ADAMTS3: variants seen among roughly 807,000 people sequenced by gnomAD.
The protein encoded by ADAMTS3 is A disintegrin and metalloproteinase with thrombospondin motifs 3.
A neutral mutation model predicts 129.0 loss-of-function variants in ADAMTS3; 73 were observed. That is an observed-to-expected ratio of 0.57 (90% CI 0.47 to 0.69). The LOEUF (loss-of-function observed/expected upper bound fraction) is 0.69, where lower values mean the gene tolerates loss of function less well. ADAMTS3 is among the 30% of genes least tolerant of loss of function. ADAMTS3 has a pLI of 0.00. For missense variants in ADAMTS3, 1,457 were observed against 1,514.5 expected, an observed-to-expected ratio of 0.96 and a Z score of 0.63; for synonymous variants, 477 against 510.8, an observed-to-expected ratio of 0.93 and a Z score of 0.89.
At chr4:72,382,705 A>T (rs1257472002) in intron 4 of ADAMTS3, among the ~76,000 whole-genome samples, 1 of 152,194 alleles carries the variant, frequency 6.6e-6, no homozygotes, top group Non-Finnish European at 1.5e-5. Context: ...AGCCATAAAA[A>T]TAATGAAATC....
At chr4:72,535,112 G>A (rs1407683874) in intron 3 of ADAMTS3, among the ~76,000 whole-genome samples, 1 of 152,118 alleles carries the variant, frequency 6.6e-6, no homozygotes, top group Admixed American at 6.5e-5. Context: ...TGTCCAGGCA[G>A]CCAGTTAATA....
chr4:72,455,824 A>C (rs1233878938), intron 3 of ADAMTS3, among the ~76,000 whole-genome samples: 1 of 130,900 alleles, frequency 7.6e-6, no homozygotes, highest in Non-Finnish European at 1.6e-5. Flanking sequence ...TTTTACATAT[A>C]GTATATACAG....
intron 3 of ADAMTS3, among the ~76,000 whole-genome samples, chr4:72,498,468 A>G (rs990710567): frequency 1.3e-5 from 2 of 152,120 alleles, no homozygotes; most frequent in East Asian, 3.8e-4. Context: ...AAGAAAAAGT[A>G]CATGAATGAG....
At chr4:72,352,009 A>C (rs546389882) in intron 4 of ADAMTS3, among the ~76,000 whole-genome samples, 6 of 152,098 alleles carry the variant, frequency 3.9e-5, no homozygotes, top group African/African-American at 1.4e-4. Context: ...CACTCAAAAA[A>C]AAATCATCTT....
chr4:72,284,138 A>C (rs954968610), intron 21 of ADAMTS3, among the ~76,000 whole-genome samples: 4 of 152,210 alleles, frequency 2.6e-5, no homozygotes, highest in Non-Finnish European at 4.4e-5. Context: ...AATCAAAATA[A>C]ATACTAAACA....
intron 4 of ADAMTS3, among the ~76,000 whole-genome samples, chr4:72,403,646 C>T (rs2109912094): frequency 6.6e-6 from 1 of 152,034 alleles, no homozygotes; most frequent in East Asian, 1.9e-4. Context: ...TTTTTTCTAA[C>T]ATTAATTTTA....
intron 8 of ADAMTS3, 81 bp from the exon 9 acceptor site, chr4:72,319,556 G>A: frequency 1.3e-6 from 2 of 1,486,918 alleles, no homozygotes; most frequent in Non-Finnish European, 1.8e-6. Context: ...TAAGCCCTGG[G>A]AAATAACGTA....
At chr4:72,401,493 G>A (rs555740265) in intron 4 of ADAMTS3, among the ~76,000 whole-genome samples, 6 of 150,490 alleles carry the variant, frequency 4.0e-5, no homozygotes, top group Admixed American at 2.0e-4. Flanking sequence ...CTTGAACTGG[G>A]GGGGTGGAGG....
At chr4:72,422,165 T>C (rs974199948) in intron 3 of ADAMTS3, among the ~76,000 whole-genome samples, 2 of 152,164 alleles carry the variant, frequency 1.3e-5, no homozygotes, top group African/African-American at 4.8e-5. Context: ...CACCAGAAAT[T>C]TATGACTTAG....
intron 2 of ADAMTS3, among the ~76,000 whole-genome samples, chr4:72,557,589 A>T (rs538361561): frequency 1.1e-4 from 17 of 151,798 alleles, no homozygotes; most frequent in Non-Finnish European, 2.5e-4. Context: ...ATTCATTATT[A>T]AGAAAGAATG....
chr4:72,521,875 G>A (rs1720684366), intron 3 of ADAMTS3, among the ~76,000 whole-genome samples: 1 of 152,108 alleles, frequency 6.6e-6, no homozygotes, highest in Non-Finnish European at 1.5e-5. Flanking sequence ...ATTTCAACAA[G>A]TTTCCAGGCC....
chr4:72,468,947 C>G (rs1284376250), intron 3 of ADAMTS3, among the ~76,000 whole-genome samples: 1 of 152,030 alleles, frequency 6.6e-6, no homozygotes, highest in Non-Finnish European at 1.5e-5. Flanking sequence ...GGCACAGCAT[C>G]TTTCTTACCA....
At chr4:72,563,677 T>C (rs1721957976) in intron 2 of ADAMTS3, among the ~76,000 whole-genome samples, 1 of 152,210 alleles carries the variant, frequency 6.6e-6, no homozygotes, top group Non-Finnish European at 1.5e-5. Flanking sequence ...GAATAATTAA[T>C]TGTATAGCCA....
At chr4:72,497,221 A>C (rs1418052200) in intron 3 of ADAMTS3, among the ~76,000 whole-genome samples, 1 of 152,120 alleles carries the variant, frequency 6.6e-6, no homozygotes, top group East Asian at 1.9e-4. Flanking sequence ...ACTTTATTCT[A>C]TCACTTAAGG....
At chr4:72,517,844 T>A (rs1720537293) in intron 3 of ADAMTS3, among the ~76,000 whole-genome samples, 3 of 151,744 alleles carry the variant, frequency 2.0e-5, no homozygotes, top group African/African-American at 7.3e-5. Flanking sequence ...CCTTCAGTTC[T>A]GCTCTGATCT....
intron 3 of ADAMTS3, among the ~76,000 whole-genome samples, chr4:72,475,937 T>A (rs1220687832): frequency 1.3e-5 from 2 of 151,888 alleles, no homozygotes; most frequent in Non-Finnish European, 2.9e-5. Context: ...TGAATAAAAA[T>A]ACAACATATC....
At chr4:72,561,044 T>G (rs1377986201) in intron 2 of ADAMTS3, among the ~76,000 whole-genome samples, 1 of 152,038 alleles carries the variant, frequency 6.6e-6, no homozygotes, top group Non-Finnish European at 1.5e-5. Context: ...TATATAGATT[T>G]AGATTTTAGA....
chr4:72,329,751 G>GA (rs200484137), intron 5 of ADAMTS3, among the ~76,000 whole-genome samples: 4,282 of 135,198 alleles, frequency 0.032, 102 homozygotes, highest in African/African-American at 0.052. Context: ...TTTCTTTCAT[G>GA]AAAAAAAAAA....
Position 72,328,811 on chromosome 4 carries a change from C to T in ADAMTS3, c.862-5714G>A, listed in dbSNP as rs534699562. ...ATAACTGAAAGTAAACAAGTATCAA[C>T]AAGATAGCCTGAGTGATTCTGGCTA... On this transcript the variant is annotated intron_variant, in intron 5 of 21. Coordinates refer to ENST00000286657, the MANE Select transcript of ADAMTS3 (RefSeq NM_014243.3). Among the ~76,000 whole-genome samples, 17 of 152,132 alleles carry T rather than the reference C, an allele frequency of 1.1e-4. No homozygotes were observed. The East Asian group carries it at 3.3e-3, about 29-fold the overall frequency.
Sources: gnomAD v4.1 joint callset for allele counts (sites outside exome capture counted in the v4.1 genomes callset) on GRCh38, gnomAD v4.1.1 for gene constraint, MANE v1.5 for transcripts, NCBI Gene and HGNC (gene_info 2026-07-23, HGNC 2026-07-21) for gene names.